Variants in DCAF13 observed in about 807,000 individuals in gnomAD.
DCAF13 encodes DDB1- and CUL4-associated factor 13.
A neutral mutation model predicts 59.0 loss-of-function variants in DCAF13; 38 were observed. That is an observed-to-expected ratio of 0.64 (90% CI 0.50 to 0.84). The LOEUF (loss-of-function observed/expected upper bound fraction) is 0.84, where lower values mean the gene tolerates loss of function less well. Among genes scored for constraint, DCAF13 ranks in the 40% least tolerant of loss-of-function variants. The pLI is 0.00. For synonymous variants in DCAF13, 173 were observed against 175.0 expected, an observed-to-expected ratio of 0.99 and a Z score of 0.09; for missense variants, 469 against 558.4, an observed-to-expected ratio of 0.84 and a Z score of 1.61.
intron 10 of DCAF13, 124 bp downstream of exon 10, chr8:103,441,742 A>T: frequency 5.4e-6 from 5 of 919,050 alleles, no homozygotes; most frequent in Non-Finnish European, 8.3e-6. Flanking sequence ...TATGTTAGTG[A>T]TGTGTTTGAA....
rs1392112389 is a variant in DCAF13, at chr8:103,426,686, T to C, written c.469-411T>C. On this transcript the variant is annotated intron_variant, in intron 4 of 10. Transcript: ENST00000612750. ...ATGTTTTATAATGTTTACATTTTTA[T>C]ATTAAGCAAACAATTCCAAAATTAG... Among the ~76,000 whole-genome samples the C allele has an allele frequency of 2.0e-5, 3 of 152,166 alleles. No individual in the cohort carries two copies. In the East Asian group the frequency reaches 5.8e-4, roughly 29 times the overall value.
chr8:103,430,115 G>T (rs1174155296), intron 5 of DCAF13: 1 of 152,404 alleles, frequency 6.6e-6, no homozygotes, highest in Non-Finnish European at 1.5e-5. Context: ...TGGGGGCCAG[G>T]TGCGGTGGCT....
intron 4 of DCAF13, 96 bp downstream of exon 4, chr8:103,426,241 A>C: frequency 1.4e-6 from 1 of 727,828 alleles, no homozygotes; most frequent in Non-Finnish European, 2.2e-6. Context: ...AAGAAGATGC[A>C]GATAAGAAAC....
chr8:103,422,794 A>T (rs3098236), intron 3 of DCAF13, among the ~76,000 whole-genome samples: 1 of 151,986 alleles, frequency 6.6e-6, no homozygotes, highest in Non-Finnish European at 1.5e-5. Flanking sequence ...GGTTGAGCTG[A>T]GTTATAAAAT....
chr8:103,433,618 T>G (rs565405441), intron 7 of DCAF13, among the ~76,000 whole-genome samples: 1 of 152,204 alleles, frequency 6.6e-6, no homozygotes, highest in East Asian at 1.9e-4. Context: ...ATTTATTATA[T>G]GATGTTTTAG....
At chr8:103,437,213 G>A (rs1348984147) in intron 8 of DCAF13, among the ~76,000 whole-genome samples, 1 of 152,192 alleles carries the variant, frequency 6.6e-6, no homozygotes, top group Non-Finnish European at 1.5e-5. Flanking sequence ...CCCAAGGCAA[G>A]ACTAATAGCT....
intron 5 of DCAF13, chr8:103,428,373 T>C (rs922571694): frequency 1.3e-5 from 2 of 152,222 alleles, no homozygotes; most frequent in African/African-American, 4.8e-5. Context: ...CATGTTCTCT[T>C]GCGTACATAT....
chr8:103,441,780 TC>T, intron 10 of DCAF13, 162 bp downstream of exon 10: 4 of 672,236 alleles, frequency 6.0e-6, no homozygotes, highest in South Asian at 2.2e-5. Flanking sequence ...TTTTCTTTTT[TC>T]TTTTTTTTTT....
chr8:103,431,607 T>G (rs1299009182), intron 6 of DCAF13, among the ~76,000 whole-genome samples: 2 of 152,242 alleles, frequency 1.3e-5, no homozygotes, highest in Admixed American at 1.3e-4. Context: ...GGTCTTAGAC[T>G]TTTAAGCACG....
intron 3 of DCAF13, among the ~76,000 whole-genome samples, chr8:103,425,107 C>T (rs1816771394): frequency 6.6e-6 from 1 of 152,160 alleles, no homozygotes; most frequent in South Asian, 2.1e-4. Flanking sequence ...AAAAGAGCTA[C>T]ATTCATACTC....
At chr8:103,432,485 T>G (rs2130490135) in intron 6 of DCAF13, among the ~76,000 whole-genome samples, 174 bp from the exon 7 acceptor site, 1 of 152,312 alleles carries the variant, frequency 6.6e-6, no homozygotes, top group South Asian at 2.1e-4. Flanking sequence ...ATTTCTATTT[T>G]TATATTTACT....
At chr8:103,422,126 G>A (rs1044442607) in intron 3 of DCAF13, among the ~76,000 whole-genome samples, 1 of 152,298 alleles carries the variant, frequency 6.6e-6, no homozygotes, top group Admixed American at 6.5e-5. Flanking sequence ...TTGATACTTT[G>A]GAGGATTGAC....
chr8:103,433,197 A>G (rs1025566114), intron 7 of DCAF13, among the ~76,000 whole-genome samples: 1 of 152,140 alleles, frequency 6.6e-6, no homozygotes. Flanking sequence ...TGACTGAACC[A>G]TACATGTTTT....
At chr8:103,419,356 T>A (rs1430565387) in intron 1 of DCAF13, among the ~76,000 whole-genome samples, 1 of 152,184 alleles carries the variant, frequency 6.6e-6, no homozygotes, top group Non-Finnish European at 1.5e-5. Flanking sequence ...GAGATAGTAA[T>A]AGAACTTAAC....
chr8:103,439,131 A>G (rs1816971164), intron 8 of DCAF13, among the ~76,000 whole-genome samples: 1 of 152,002 alleles, frequency 6.6e-6, no homozygotes. Context: ...CAGCCTCCCA[A>G]GTAGCTGGGA....
At chr8:103,433,489 A>G (rs1198593894) in intron 7 of DCAF13, among the ~76,000 whole-genome samples, 1 of 151,924 alleles carries the variant, frequency 6.6e-6, no homozygotes, top group African/African-American at 2.4e-5. Flanking sequence ...TTCTTAATAC[A>G]TGTTTTTTTT....
At chr8:103,423,327 T>TA (rs1236969675) in intron 3 of DCAF13, among the ~76,000 whole-genome samples, 47 of 149,698 alleles carry the variant, frequency 3.1e-4, no homozygotes, top group Non-Finnish European at 6.2e-4. Context: ...GAATGAATTT[T>TA]AAAAAAAAAA....
At chr8:103,415,713 T>TTTTCTAAGAA (rs1269897688) in intron 1 of DCAF13, among the ~76,000 whole-genome samples, 197 bp downstream of exon 1, 3 of 152,286 alleles carry the variant, frequency 2.0e-5, no homozygotes, top group Non-Finnish European at 4.4e-5. Flanking sequence ...TTCAAGTCCT[T>TTTTCTAAGAA]TTTCTAAGAA....
intron 10 of DCAF13, 36 bp from the exon 11 acceptor site, chr8:103,442,759 C>T: frequency 7.1e-7 from 1 of 1,416,294 alleles, no homozygotes; most frequent in Non-Finnish European, 9.5e-7. Flanking sequence ...GATGAGTTCC[C>T]ATAACTTGCT....
Sources: allele counts gnomAD v4.1 joint callset (sites outside exome capture counted in the v4.1 genomes callset), GRCh38; gene constraint gnomAD v4.1.1; transcripts MANE v1.5; gene names NCBI Gene and HGNC (gene_info 2026-07-23, HGNC 2026-07-21).